Variants in IFT140 observed in about 807,000 individuals in gnomAD.
IFT140 encodes the protein intraflagellar transport protein 140 homolog.
A neutral mutation model predicts 164.6 loss-of-function variants in IFT140; 133 were observed. The ratio of observed to expected loss-of-function variants is 0.81; its 90% CI spans 0.70 to 0.93. The LOEUF (loss-of-function observed/expected upper bound fraction) is 0.93. Among genes scored for constraint, IFT140 ranks in the 40% least tolerant of loss-of-function variants. IFT140 has a pLI of 0.00. For missense variants in IFT140, 2,045 were observed against 1,972.3 expected (o/e 1.04, Z -0.70); for synonymous variants, 860 against 817.3 (o/e 1.05, Z -0.89).
intron 19 of IFT140, among the ~76,000 whole-genome samples, chr16:1,544,019 CTTT>C (rs768616715): frequency 5.7e-5 from 8 of 140,028 alleles, no homozygotes; most frequent in Admixed American, 7.1e-5. Flanking sequence ...CACTACATTT[CTTT>C]TTTTTTTTTT....
intron 17 of IFT140, among the ~76,000 whole-genome samples, chr16:1,563,504 T>C (rs2033540161): frequency 6.6e-6 from 1 of 151,886 alleles, no homozygotes; most frequent in South Asian, 2.1e-4. Flanking sequence ...GAATCACATG[T>C]AGCAGTTGAG....
intron 5 of IFT140, 49 bp downstream of exon 5, chr16:1,592,418 C>T: frequency 2.5e-6 from 4 of 1,611,264 alleles, no homozygotes; most frequent in South Asian, 1.1e-5. Context: ...CTTCCCACCT[C>T]CCCCGATGTA....
At chr16:1,566,421 C>T (rs2033720442) in intron 15 of IFT140, 130 bp from the exon 16 acceptor site, 1 of 790,636 alleles carries the variant, frequency 1.3e-6, no homozygotes, top group African/African-American at 1.7e-5. Context: ...ACAGGCCACT[C>T]ATCTTCCAAG....
chr16:1,549,616 G>T (rs1285823593), intron 19 of IFT140, among the ~76,000 whole-genome samples: 1 of 151,984 alleles, frequency 6.6e-6, no homozygotes, highest in Non-Finnish European at 1.5e-5. Context: ...ACCTTTAGTA[G>T]AGATGGGGTT....
intron 4 of IFT140, among the ~76,000 whole-genome samples, chr16:1,597,812 G>C (rs565987035): frequency 7.7e-4 from 117 of 152,226 alleles, no homozygotes; most frequent in African/African-American, 2.7e-3. Flanking sequence ...TCAAGAGATG[G>C]GGTCTTGCTA....
chr16:1,592,425 T>C (rs779299623), intron 5 of IFT140, 42 bp downstream of exon 5: 11 of 1,612,240 alleles, frequency 6.8e-6, no homozygotes, highest in South Asian at 2.2e-5. Flanking sequence ...CCTCCCCCGA[T>C]GTAAACACAC....
chr16:1,525,555 G>A (rs1596305228), intron 21 of IFT140, among the ~76,000 whole-genome samples: 1 of 152,236 alleles, frequency 6.6e-6, no homozygotes, highest in African/African-American at 2.4e-5. Context: ...CCCGGGAACG[G>A]GTCTAAGAGC....
rs1311254633 is a variant in IFT140, at chr16:1,602,626, G to C, written c.148-35C>G. On this transcript the variant is annotated intron_variant, in intron 3 of 30. Transcript: ENST00000426508. The stretch of plus-strand genomic sequence containing the variant: ...ATGAGAGGCAAATTCCCACAGTTCA[G>C]AGAGGGACAGCTACTTTTAAGAACT... 3.2e-6 allele frequency: 5 copies of C among 1,578,796 alleles called. No individual in the cohort carries two copies. The East Asian group carries it at 1.1e-4, about 35-fold the overall frequency.
intron 3 of IFT140, among the ~76,000 whole-genome samples, chr16:1,605,200 C>T (rs2035996546): frequency 1.3e-5 from 2 of 152,072 alleles, no homozygotes; most frequent in Admixed American, 6.5e-5. Context: ...GCCATGGAGG[C>T]CGGGCAGGGA....
At chr16:1,541,423 C>T (rs776649768) in intron 19 of IFT140, 72 of 985,294 alleles carry the variant, frequency 7.3e-5, no homozygotes, top group East Asian at 1.1e-4. Flanking sequence ...CACCATGAGC[C>T]GCTTGGGGGT....
intron 25 of IFT140, 52 bp downstream of exon 25, chr16:1,523,776 C>A (rs1005404405): frequency 6.2e-7 from 1 of 1,605,976 alleles, no homozygotes; most frequent in Non-Finnish European, 8.5e-7. Flanking sequence ...CAGGCAAGGG[C>A]CCCCTGGCTT....
At chr16:1,515,233 C>T (rs886419304) in intron 30 of IFT140, among the ~76,000 whole-genome samples, 16 of 152,068 alleles carry the variant, frequency 1.1e-4, no homozygotes, top group Non-Finnish European at 1.6e-4. Context: ...ACATCATTAT[C>T]GCACTGCTGA....
At chr16:1,590,152 G>T (rs894632095) in intron 6 of IFT140, among the ~76,000 whole-genome samples, 25 of 135,680 alleles carry the variant, frequency 1.8e-4, no homozygotes, top group African/African-American at 5.9e-4. Context: ...AGTGAGCCAA[G>T]ATTACGCCAT....
intron 7 of IFT140, among the ~76,000 whole-genome samples, chr16:1,589,329 T>C (rs1394784335): frequency 2.6e-5 from 4 of 152,168 alleles, no homozygotes; most frequent in Non-Finnish European, 4.4e-5. Flanking sequence ...CCCCAGGTCA[T>C]GAGGGGTGCA....
intron 19 of IFT140, among the ~76,000 whole-genome samples, chr16:1,548,340 A>G (rs1359416549): frequency 6.6e-6 from 1 of 152,176 alleles, no homozygotes; most frequent in African/African-American, 2.4e-5. Context: ...CAGCCATTCC[A>G]AAAGGAAGGC....
rs377730792 is a variant in IFT140 at position 1,518,150 on chromosome 16, G to A, written c.4182+66C>T. 180 of 1,545,276 alleles carry A rather than the reference G, an allele frequency of 1.2e-4. No homozygotes were observed. In the East Asian group the frequency reaches 2.1e-3, roughly 18 times the overall value. ...GCCACACACAGCCTCAGTTTGAGCCGTTAAGCCTTCGTTTCAGGAGCCTTG... is the reference window on the plus strand; with the variant it reads ...GCCACACACAGCCTCAGTTTGAGCCATTAAGCCTTCGTTTCAGGAGCCTTG... On this transcript the variant is annotated intron_variant, in intron 30 of 30. Coordinates refer to ENST00000426508, the MANE Select transcript of IFT140 (RefSeq NM_014714.4).
chr16:1,585,786 T>TG (rs2034839713), intron 10 of IFT140, among the ~76,000 whole-genome samples: 1 of 149,040 alleles, frequency 6.7e-6, no homozygotes. Context: ...TTTTTTTTTT[T>TG]TTGAGACGGA....
chr16:1,579,820 T>C lies in IFT140; in HGVS notation c.1524+939A>G, dbSNP rs780364710. 3.9e-5 allele frequency among the ~76,000 whole-genome samples: 6 copies of C among 152,142 alleles called. 1 individual carries two copies. In the South Asian group the frequency reaches 8.3e-4, roughly 21 times the overall value. ...TTTCTACCAAAAATACAAAATTAGTTGGGTGTGGTGGCGCACACCTGTAGT... is the reference window on the plus strand; with the variant it reads ...TTTCTACCAAAAATACAAAATTAGTCGGGTGTGGTGGCGCACACCTGTAGT... On this transcript the variant is annotated intron_variant, in intron 13 of 30. Coordinates refer to ENST00000426508, the MANE Select transcript of IFT140 (RefSeq NM_014714.4).
At chr16:1,562,185 C>T (rs1937749597) in intron 17 of IFT140, 69 bp from the exon 18 acceptor site, 7 of 1,384,734 alleles carry the variant, frequency 5.1e-6, no homozygotes, top group Admixed American at 2.3e-5. Flanking sequence ...GGTATGAGTG[C>T]CATTTTGCTA....
Sources: gnomAD v4.1 joint callset for allele counts (sites outside exome capture counted in the v4.1 genomes callset) on GRCh38, gnomAD v4.1.1 for gene constraint, MANE v1.5 for transcripts, NCBI Gene and HGNC (gene_info 2026-07-23, HGNC 2026-07-21) for gene names.